Variants in PKD1L1 observed in about 807,000 individuals in gnomAD.
The protein encoded by PKD1L1 is polycystin-1-like protein 1.
PKD1L1 carries 236 observed loss-of-function variants against 323.4 expected under a neutral mutation model. The ratio of observed to expected loss-of-function variants is 0.73; its 90% CI spans 0.66 to 0.81. The LOEUF (loss-of-function observed/expected upper bound fraction) is 0.81, where lower values mean the gene tolerates loss of function less well. PKD1L1 is among the 40% of genes least tolerant of loss of function. The probability of loss-of-function intolerance (pLI) is 0.00; values close to 1 mark genes in which losing one functional copy is unlikely to be tolerated. For synonymous variants in PKD1L1, 1,344 were observed against 1,335.0 expected (o/e 1.01, Z -0.15); for missense variants, 3,320 against 3,508.0 (o/e 0.95, Z 1.35).
chr7:47,950,145 C>T (rs1788182597), upstream of PKD1L1, among the ~76,000 whole-genome samples: 1 of 152,188 alleles, frequency 6.6e-6, no homozygotes. Context: ...TCTGAAGCCC[C>T]TGTGATTTGC....
intron 2 of PKD1L1, among the ~76,000 whole-genome samples, chr7:47,941,351 C>G (rs1026231725): frequency 6.6e-6 from 1 of 152,196 alleles, no homozygotes; most frequent in African/African-American, 2.4e-5. Context: ...TCCAGGAGCT[C>G]CAGGCCAGGG....
intron 32 of PKD1L1, among the ~76,000 whole-genome samples, chr7:47,845,907 C>T (rs1785655928): frequency 6.6e-6 from 1 of 150,708 alleles, no homozygotes; most frequent in Admixed American, 6.8e-5. Context: ...ACCCTTGGCT[C>T]ATAAAAAAGT....
intron 26 of PKD1L1, among the ~76,000 whole-genome samples, chr7:47,862,678 T>C (rs1786058995): frequency 6.6e-6 from 1 of 152,146 alleles, no homozygotes; most frequent in South Asian, 2.1e-4. Flanking sequence ...AGAAAGTAAG[T>C]AGCATTTGTG....
At chr7:47,923,650 AAAATAAAT>A (rs150597782) in intron 7 of PKD1L1, among the ~76,000 whole-genome samples, 6,745 of 151,626 alleles carry the variant, frequency 0.044, 481 homozygotes, top group African/African-American at 0.15. Flanking sequence ...TACTCTGGCA[AAAATAAAT>A]AAATAAATAA....
At position 47,888,161 on chromosome 7, in the gene PKD1L1, T is replaced by C. The variant is rs1786725576; in HGVS notation, c.2676-11A>G. 1.9e-6 allele frequency: 3 copies of C among 1,605,308 alleles called. No homozygotes were observed. The highest frequency in any genetic ancestry group is 8.5e-7 in the Non-Finnish European group (1 of 1,174,714). Reference sequence around the variant, plus strand: ...GAGATGTGGACGAATCTGAAATATATAAATTGGCTTGAGATCTTAGGAAAA... The same window carrying C: ...GAGATGTGGACGAATCTGAAATATACAAATTGGCTTGAGATCTTAGGAAAA... On this transcript the variant is annotated splice_polypyrimidine_tract_variant and intron_variant, in intron 16 of 56. Transcript: ENST00000289672.
At chr7:47,797,499 C>T (rs997644211) in intron 54 of PKD1L1, among the ~76,000 whole-genome samples, 1 of 151,714 alleles carries the variant, frequency 6.6e-6, no homozygotes, top group African/African-American at 2.4e-5. Flanking sequence ...AGGTCTGAGG[C>T]CTCCTGGATT....
At chr7:47,894,097 G>GA in intron 14 of PKD1L1, 38 bp from the exon 15 acceptor site, 1 of 1,508,960 alleles carries the variant, frequency 6.6e-7, no homozygotes, top group Non-Finnish European at 8.9e-7. Context: ...GTCATGCAGG[G>GA]ACAAGGCAGG....
intron 45 of PKD1L1, among the ~76,000 whole-genome samples, chr7:47,825,760 T>C (rs2128733839): frequency 6.6e-6 from 1 of 152,358 alleles, no homozygotes; most frequent in South Asian, 2.1e-4. Context: ...CTTAAGATTA[T>C]GCCTAAGTGT....
chr7:47,828,837 G>A (rs1380002434), intron 44 of PKD1L1, among the ~76,000 whole-genome samples: 3 of 152,188 alleles, frequency 2.0e-5, no homozygotes, highest in African/African-American at 7.2e-5. Flanking sequence ...TCAATGCACT[G>A]GGATTGGGTC....
intron 40 of PKD1L1, 55 bp from the exon 41 acceptor site, chr7:47,833,307 G>GCCCC: frequency 6.4e-7 from 1 of 1,565,204 alleles, no homozygotes; most frequent in Non-Finnish European, 8.7e-7. Flanking sequence ...GGCTTCACAC[G>GCCCC]TGACGCTCAA....
chr7:47,890,409 C>T, intron 16 of PKD1L1, 133 bp downstream of exon 16: 1 of 858,300 alleles, frequency 1.2e-6, no homozygotes, highest in Non-Finnish European at 1.8e-6. Flanking sequence ...TCTCCTCCTC[C>T]TTTGCAGTGA....
At chr7:47,896,321 C>A (rs185697304) in intron 14 of PKD1L1, among the ~76,000 whole-genome samples, 1 of 135,950 alleles carries the variant, frequency 7.4e-6, no homozygotes, top group Non-Finnish European at 1.5e-5. Context: ...CAGAGTGAGA[C>A]CCTGTCTCAA....
At position 47,819,539 on chromosome 7, in the gene PKD1L1, C is replaced by A. The variant is rs779549086; in HGVS notation, c.6965+1537G>T. ...TACTGGCACAGGCTGTGCACTTGCA[C>A]GGATAGGAGAGCTGAAAAGTTGGTC... On this transcript the variant is annotated intron_variant, in intron 46 of 56. Transcript: ENST00000289672. The A allele has an allele frequency of 1.4e-5, 19 of 1,359,824 alleles. No homozygotes were observed. In the South Asian group the frequency reaches 2.1e-4, roughly 15 times the overall value. 84.2% of individuals were successfully genotyped at this position (1,359,824 alleles called of 1,614,324 possible). A position where few individuals can be genotyped will look rare whatever the true frequency, so the allele number is the denominator to read the frequency against.
At chr7:47,907,682 T>C (rs1787235408) in intron 9 of PKD1L1, among the ~76,000 whole-genome samples, 1 of 152,212 alleles carries the variant, frequency 6.6e-6, no homozygotes, top group South Asian at 2.1e-4. Context: ...CTCCAGCCCG[T>C]GCTGCAAGGC....
chr7:47,949,808 C>T (rs1014752625), upstream of PKD1L1, among the ~76,000 whole-genome samples: 1 of 152,162 alleles, frequency 6.6e-6, no homozygotes, highest in South Asian at 2.1e-4. Flanking sequence ...AATGATGAAC[C>T]AAGCTACGGG....
chr7:47,898,430 T>C (rs1227930370), intron 13 of PKD1L1, among the ~76,000 whole-genome samples: 1 of 152,126 alleles, frequency 6.6e-6, no homozygotes, highest in Non-Finnish European at 1.5e-5. Flanking sequence ...AATATTTATA[T>C]ACTCATGAGA....
At chr7:47,958,917 C>T in the PKD1L1 span, among the ~76,000 whole-genome samples, 2 of 152,202 alleles carry the variant, frequency 1.3e-5, no homozygotes, top group Admixed American at 1.3e-4. Flanking sequence ...ACTGCAGCCT[C>T]CCTGCCTGAT....
At chr7:47,855,721 A>C (rs1170343033) in intron 28 of PKD1L1, among the ~76,000 whole-genome samples, 1 of 129,072 alleles carries the variant, frequency 7.7e-6, no homozygotes. Context: ...CTAAAAATAC[A>C]AAAAATTAGC....
intron 7 of PKD1L1, among the ~76,000 whole-genome samples, chr7:47,922,048 G>A (rs1787554304): frequency 6.6e-6 from 1 of 152,190 alleles, no homozygotes; most frequent in Non-Finnish European, 1.5e-5. Context: ...CAGTGCCTGG[G>A]ATTGCAGGCA....
Sources: gnomAD v4.1 joint callset for allele counts (sites outside exome capture counted in the v4.1 genomes callset) on GRCh38, gnomAD v4.1.1 for gene constraint, MANE v1.5 for transcripts, NCBI Gene and HGNC (gene_info 2026-07-23, HGNC 2026-07-21) for gene names.